The following GOSR1 variants were observed in gnomAD, a reference collection of about 807,000 sequenced individuals.
GOSR1 encodes golgi SNAP receptor complex member 1.
Under a neutral mutation model 35.5 loss-of-function variants are expected in GOSR1, and 21 were observed. That is an observed-to-expected ratio of 0.59 (90% CI 0.42 to 0.85). The LOEUF (loss-of-function observed/expected upper bound fraction) is 0.85, where lower values mean the gene tolerates loss of function less well. Ranked by LOEUF, GOSR1 falls within the 40% of genes least tolerant of loss-of-function variation. The probability of loss-of-function intolerance (pLI) is 0.00; values close to 1 mark genes in which losing one functional copy is unlikely to be tolerated. For missense variants in GOSR1, 285 were observed against 309.6 expected (o/e 0.92, Z 0.60); for synonymous variants, 94 against 106.6 (o/e 0.88, Z 0.73).
intron 5 of GOSR1, among the ~76,000 whole-genome samples, chr17:30,492,067 T>A (rs997286470): frequency 6.6e-6 from 1 of 152,040 alleles, no homozygotes; most frequent in Non-Finnish European, 1.5e-5. Context: ...AAAGTAAGAC[T>A]CTGTCTCCAA....
chr17:30,481,382 C>T (rs1246130247), intron 2 of GOSR1, 125 bp downstream of exon 2: 2 of 587,868 alleles, frequency 3.4e-6, no homozygotes, highest in African/African-American at 1.9e-5. Context: ...TTTGTTTTGC[C>T]ATTCATTGTT....
intron 6 of GOSR1, among the ~76,000 whole-genome samples, chr17:30,504,470 T>C (rs1967329609): frequency 6.6e-6 from 1 of 152,206 alleles, no homozygotes; most frequent in Non-Finnish European, 1.5e-5. Flanking sequence ...CATTTATCCT[T>C]TTACGAAAAC....
intron 6 of GOSR1, among the ~76,000 whole-genome samples, 180 bp downstream of exon 6, chr17:30,492,933 A>C (rs190750266): frequency 6.6e-6 from 1 of 152,134 alleles, no homozygotes; most frequent in Non-Finnish European, 1.5e-5. Context: ...CATAATTAGG[A>C]AAGATCCTAT....
chr17:30,494,216 A>ACACACACACAC (rs1567904302), intron 6 of GOSR1, among the ~76,000 whole-genome samples: 4 of 86,346 alleles, frequency 4.6e-5, no homozygotes, highest in African/African-American at 2.1e-4. Flanking sequence ...CACACACACA[A>ACACACACACAC]CTTTGTAATG....
At chr17:30,489,532 AC>A (rs1914889817) in intron 4 of GOSR1, among the ~76,000 whole-genome samples, 1 of 151,984 alleles carries the variant, frequency 6.6e-6, no homozygotes, top group African/African-American at 2.4e-5. Flanking sequence ...TTTATGTGTT[AC>A]TTTTGTTTTT....
intron 5 of GOSR1, 76 bp from the exon 6 acceptor site, chr17:30,492,603 C>A (rs1031753718): frequency 2.5e-6 from 2 of 812,710 alleles, no homozygotes; most frequent in Non-Finnish European, 2.1e-6. Context: ...TTTCTACTTT[C>A]AAGATCACTA....
intron 2 of GOSR1, 124 bp downstream of exon 2, chr17:30,481,381 C>T: frequency 1.7e-6 from 1 of 590,430 alleles, no homozygotes. Flanking sequence ...TTTTGTTTTG[C>T]CATTCATTGT....
chr17:30,520,151 T>C lies in GOSR1; in HGVS notation c.622+130T>C, dbSNP rs1967972326. ...CCCATCAGTAATTGCATAATATGAA[T>C]ATACTGTGCATTCCTACTTTGTGAA... On this transcript the variant is annotated intron_variant, in intron 8 of 8. Coordinates refer to ENST00000451249, the MANE Select transcript of GOSR1 (RefSeq NM_001007025.2). 13 of 639,228 alleles carry C rather than the reference T, an allele frequency of 2.0e-5. No individual in the cohort carries two copies. In the East Asian group the frequency reaches 3.5e-4, roughly 17 times the overall value. 39.6% of individuals were successfully genotyped at this position (639,228 alleles called of 1,614,324 possible). A position where few individuals can be genotyped will look rare whatever the true frequency, so the allele number is the denominator to read the frequency against.
In GOSR1 at chr17:30,498,249, A is replaced by T. The variant is rs16966506; in HGVS notation, c.509+5496A>T. On this transcript the variant is annotated intron_variant, in intron 6 of 8. Transcript: ENST00000451249. ...GATGCACATATAATTTGTTGGTACC[A>T]GTTTTGGTTGTTTTAACGAGCATTT... 2.5e-3 allele frequency among the ~76,000 whole-genome samples: 375 copies of T among 151,396 alleles called. 1 individual carries two copies. Among genetic ancestry groups the T allele is most frequent in the African/African-American group, 8.8e-3 (361 of 41,190 alleles).
intron 6 of GOSR1, among the ~76,000 whole-genome samples, chr17:30,504,119 C>T (rs1160897809): frequency 2.0e-5 from 3 of 151,890 alleles, no homozygotes; most frequent in South Asian, 2.1e-4. Flanking sequence ...TTCCGCCTCC[C>T]GGGTTCAAGG....
rs1259317055 is a variant in GOSR1, at chr17:30,509,531, A to ATT, written c.510-1348_510-1347insTT. On this transcript the variant is annotated intron_variant, in intron 6 of 8. Coordinates refer to ENST00000451249, the MANE Select transcript of GOSR1 (RefSeq NM_001007025.2). Reference sequence around the variant, plus strand: ...CATGAACTTAGAAATTCTTTTGGAAATAAGTAGTTGGAAAAATACATGCAG... The same window carrying ATT: ...CATGAACTTAGAAATTCTTTTGGAAATTTAAGTAGTTGGAAAAATACATGCAG... 9.8e-5 allele frequency among the ~76,000 whole-genome samples: 15 copies of ATT among 152,354 alleles called. 1 individual carries two copies. In the South Asian group the frequency reaches 2.7e-3, roughly 27 times the overall value.
intron 4 of GOSR1, among the ~76,000 whole-genome samples, chr17:30,489,778 T>C (rs779612251): frequency 1.1e-4 from 17 of 152,206 alleles, no homozygotes; most frequent in Non-Finnish European, 2.1e-4. Flanking sequence ...CTATTAAGTA[T>C]ACTACTAAGT....
intron 6 of GOSR1, among the ~76,000 whole-genome samples, chr17:30,496,459 A>G (rs562386994): frequency 3.3e-5 from 5 of 152,294 alleles, no homozygotes; most frequent in Admixed American, 2.6e-4. Context: ...CTACTGTGGC[A>G]CTACACTTTA....
At chr17:30,502,520 T>G (rs1242138413) in intron 6 of GOSR1, among the ~76,000 whole-genome samples, 4 of 152,260 alleles carry the variant, frequency 2.6e-5, no homozygotes, top group Non-Finnish European at 5.9e-5. Context: ...AAAGTGATTT[T>G]CTAGGATCTC....
chr17:30,514,808 A>G (rs1252199147), intron 7 of GOSR1, among the ~76,000 whole-genome samples: 6 of 152,178 alleles, frequency 3.9e-5, no homozygotes, highest in Non-Finnish European at 8.8e-5. Context: ...TTTGTTTAAC[A>G]TTCTGGGAGA....
rs200978776 is a variant in GOSR1, at chr17:30,520,112, CAGT to C, written c.622+94_622+96del. On this transcript the variant is annotated intron_variant, in intron 8 of 8. Transcript: ENST00000451249. ...TTTATAGGGGGCAGGTTGCCATCATCAGTAGCAGTAGAGCCCATCAGTAATTGC... is the reference window on the plus strand; with the variant it reads ...TTTATAGGGGGCAGGTTGCCATCATCAGCAGTAGAGCCCATCAGTAATTGC... 3.9e-3 allele frequency: 3,089 copies of C among 784,446 alleles called. 92 individuals carry two copies. The Admixed American group carries it at 0.051, about 13-fold the overall frequency. 48.6% of individuals were successfully genotyped at this position (784,446 alleles called of 1,614,324 possible).
intron 6 of GOSR1, among the ~76,000 whole-genome samples, chr17:30,502,303 G>A (rs552239739): frequency 2.6e-5 from 4 of 152,138 alleles, no homozygotes; most frequent in Non-Finnish European, 5.9e-5. Context: ...CCCTACCACC[G>A]TGCAATGCAA....
chr17:30,481,395 A>AT (rs1337843419), intron 2 of GOSR1, 138 bp downstream of exon 2: 4 of 532,628 alleles, frequency 7.5e-6, no homozygotes, highest in Admixed American at 3.2e-5. Context: ...TCATTGTTTT[A>AT]TTTTTTAGTG....
intron 6 of GOSR1, among the ~76,000 whole-genome samples, chr17:30,500,331 C>G (rs1311820781): frequency 6.6e-6 from 1 of 152,076 alleles, no homozygotes; most frequent in African/African-American, 2.4e-5. Flanking sequence ...TGTTTTTAAA[C>G]CTGCAGCCAA....
Sources: gnomAD v4.1 joint callset for allele counts (sites outside exome capture counted in the v4.1 genomes callset) on GRCh38, gnomAD v4.1.1 for gene constraint, MANE v1.5 for transcripts, NCBI Gene and HGNC (gene_info 2026-07-23, HGNC 2026-07-21) for gene names.